DGKI: variants seen among roughly 807,000 people sequenced by gnomAD.
DGKI encodes the protein DAG kinase iota.
A neutral mutation model predicts 147.5 loss-of-function variants in DGKI; 55 were observed. The observed-to-expected ratio is 0.37, with a 90% confidence interval of 0.30 to 0.47. The LOEUF is 0.47. Ranked by LOEUF, DGKI falls within the 20% of genes least tolerant of loss-of-function variation. The pLI is 1.00. For synonymous variants in DGKI, 469 were observed against 477.1 expected (o/e 0.98, Z 0.22); for missense variants, 1,007 against 1,323.8 (o/e 0.76, Z 3.71).
chr7:137,570,593 A>ATTT (rs199646642), intron 19 of DGKI, among the ~76,000 whole-genome samples: 3 of 143,326 alleles, frequency 2.1e-5, no homozygotes, highest in Non-Finnish European at 4.6e-5. Flanking sequence ...CTATAGTGTA[A>ATTT]TTTTTTTTTT....
chr7:137,621,776 G>T (rs1267428118), intron 7 of DGKI, among the ~76,000 whole-genome samples: 1 of 152,156 alleles, frequency 6.6e-6, no homozygotes, highest in Non-Finnish European at 1.5e-5. Context: ...TTGTAAAGTG[G>T]GATTGAGTTT....
At chr7:137,726,781 C>T (rs1010405932) in intron 1 of DGKI, among the ~76,000 whole-genome samples, 32 of 152,236 alleles carry the variant, frequency 2.1e-4, no homozygotes, top group African/African-American at 6.7e-4. Flanking sequence ...AGCTATATTA[C>T]TATTGATCTC....
At position 137,656,372 on chromosome 7, in the gene DGKI, G is replaced by A. The variant is rs1159498372; in HGVS notation, c.681+94C>T. 4.5e-6 allele frequency: 6 copies of A among 1,335,778 alleles called. No homozygotes were observed. In the African/African-American group the frequency reaches 7.3e-5, roughly 16 times the overall value. The allele number at this position is 1,335,778 out of a possible 1,614,324, so 82.7% of individuals were successfully genotyped here. A position where few individuals can be genotyped will look rare whatever the true frequency, so the allele number is the denominator to read the frequency against. On this transcript the variant is annotated intron_variant, in intron 4 of 32. Coordinates refer to ENST00000614521, the MANE Select transcript of DGKI (RefSeq NM_001321708.2). ...CTTCCAGCTTTTTTTTAAGGGCATT[G>A]TTTTCAAAAAGTTGGAACTGGAAAT... is the stretch of plus-strand genomic sequence containing the variant.
intron 5 of DGKI, among the ~76,000 whole-genome samples, chr7:137,648,541 C>T (rs1177921059): frequency 6.6e-6 from 1 of 152,198 alleles, no homozygotes; most frequent in Non-Finnish European, 1.5e-5. Flanking sequence ...ATTCTTCAGT[C>T]TCATAACTGA....
chr7:137,620,013 ACACACG>A (rs1820684353), intron 7 of DGKI, 73 bp from the exon 8 acceptor site: 6 of 717,250 alleles, frequency 8.4e-6, no homozygotes, highest in African/African-American at 2.8e-5. Context: ...ATAAATATGT[ACACACG>A]CACACACACA....
chr7:137,841,866 T>TG (rs1166164290), intron 1 of DGKI, among the ~76,000 whole-genome samples: 1 of 152,206 alleles, frequency 6.6e-6, no homozygotes, highest in African/African-American at 2.4e-5. Context: ...ACAGCAGAAT[T>TG]GAACACCAGC....
At chr7:137,538,435 C>T (rs531699738) in intron 20 of DGKI, among the ~76,000 whole-genome samples, 6 of 152,308 alleles carry the variant, frequency 3.9e-5, no homozygotes, top group African/African-American at 1.4e-4. Flanking sequence ...TTCATACTTT[C>T]TTCATGGATC....
At chr7:137,509,968 T>C (rs1329419826) in intron 21 of DGKI, among the ~76,000 whole-genome samples, 1 of 152,124 alleles carries the variant, frequency 6.6e-6, no homozygotes, top group Non-Finnish European at 1.5e-5. Context: ...AAAGGAGATG[T>C]TAAAGCCTGG....
chr7:137,393,751 T>C (rs1430350453), intron 32 of DGKI, among the ~76,000 whole-genome samples: 1 of 152,184 alleles, frequency 6.6e-6, no homozygotes, highest in Non-Finnish European at 1.5e-5. Context: ...GTGTTTGATA[T>C]ACCTAGGCAG....
chr7:137,581,829 G>A (rs1176095829), intron 15 of DGKI, 21 bp downstream of exon 15: 2 of 1,602,634 alleles, frequency 1.2e-6, no homozygotes, highest in Non-Finnish European at 8.5e-7. Flanking sequence ...CTGGGAGATG[G>A]AAATGGGACG....
At chr7:137,736,695 T>G (rs1795033717) in intron 1 of DGKI, among the ~76,000 whole-genome samples, 1 of 152,220 alleles carries the variant, frequency 6.6e-6, no homozygotes, top group Non-Finnish European at 1.5e-5. Flanking sequence ...ATTGACCATA[T>G]GGGATCTTCT....
chr7:137,618,726 T>C (rs1425926825), intron 8 of DGKI, among the ~76,000 whole-genome samples: 1 of 152,194 alleles, frequency 6.6e-6, no homozygotes, highest in East Asian at 1.9e-4. Flanking sequence ...TATATATAAT[T>C]TGTTTTATCA....
intron 1 of DGKI, among the ~76,000 whole-genome samples, chr7:137,757,879 A>C (rs1322978011): frequency 6.6e-6 from 1 of 152,242 alleles, no homozygotes; most frequent in Non-Finnish European, 1.5e-5. Flanking sequence ...TTCTCTAAAA[A>C]GTAGTTTAAG....
intron 12 of DGKI, among the ~76,000 whole-genome samples, chr7:137,593,225 G>A (rs1443696963): frequency 6.6e-6 from 1 of 152,126 alleles, no homozygotes; most frequent in Non-Finnish European, 1.5e-5. Context: ...AAAGTCAGGA[G>A]CCAGATAGAT....
At chr7:137,707,244 T>C (rs531336521) in intron 1 of DGKI, among the ~76,000 whole-genome samples, 29 of 152,210 alleles carry the variant, frequency 1.9e-4, no homozygotes, top group Non-Finnish European at 7.3e-5. Context: ...TGCGGATTCC[T>C]CTAGCATTTT....
intron 19 of DGKI, among the ~76,000 whole-genome samples, chr7:137,569,534 C>T (rs1818712313): frequency 6.6e-6 from 1 of 151,642 alleles, no homozygotes; most frequent in Admixed American, 6.6e-5. Flanking sequence ...CGAGACCATC[C>T]TGGCAAACAT....
intron 21 of DGKI, among the ~76,000 whole-genome samples, chr7:137,505,098 G>C (rs1193346642): frequency 6.7e-6 from 1 of 148,710 alleles, no homozygotes; most frequent in Non-Finnish European, 1.5e-5. Context: ...GACAAAGGGG[G>C]GGAACATCCC....
intron 27 of DGKI, among the ~76,000 whole-genome samples, chr7:137,446,201 T>C (rs941720722): frequency 1.3e-5 from 2 of 152,224 alleles, no homozygotes; most frequent in African/African-American, 4.8e-5. Context: ...AAAGCCCTGA[T>C]ATTAAATCTG....
chr7:137,722,014 G>A lies in DGKI; in HGVS notation c.402-32012C>T, dbSNP rs1794570921. The A allele has an allele frequency of 6.3e-6, 10 of 1,580,128 alleles. No individual in the cohort carries two copies. In the Admixed American group the frequency reaches 1.6e-4, roughly 25 times the overall value. ...GGCGGGTGAAAAAGTTGAGAAGCCA[G>A]ATACTAAAGAGAAGAAACCTGAAGC... On this transcript the variant is annotated intron_variant, in intron 1 of 32. Transcript: ENST00000614521.
Sources: allele counts gnomAD v4.1 joint callset (sites outside exome capture counted in the v4.1 genomes callset), GRCh38; gene constraint gnomAD v4.1.1; transcripts MANE v1.5; gene names NCBI Gene and HGNC (gene_info 2026-07-23, HGNC 2026-07-21).